The following OAS1 variants were observed in gnomAD, a reference collection of about 807,000 sequenced individuals.
OAS1 encodes the protein 2'-5'-oligoadenylate synthase 1.
A neutral mutation model predicts 38.5 loss-of-function variants in OAS1; 24 were observed. The observed-to-expected ratio is 0.62, with a 90% confidence interval of 0.45 to 0.88. The LOEUF (loss-of-function observed/expected upper bound fraction) is 0.88, where lower values mean the gene tolerates loss of function less well. OAS1 is among the 40% of genes least tolerant of loss of function. The pLI is 0.00. For missense variants in OAS1, 482 were observed against 493.9 expected, an observed-to-expected ratio of 0.98 and a Z score of 0.23; for synonymous variants, 169 against 193.9, an observed-to-expected ratio of 0.87 and a Z score of 1.07.
Position 112,918,080 on chromosome 12 carries a change from G to A in OAS1, c.1038+380G>A, listed in dbSNP as rs368792072. ...ATTATTTTAGATTCAGAGGGCACAT[G>A]TGCCATTTGTTACACAGCTATATTG... On this transcript the variant is annotated intron_variant, in intron 5 of 5. Coordinates refer to ENST00000202917, the MANE Select transcript of OAS1 (RefSeq NM_016816.4). 50 of 402,686 alleles carry A rather than the reference G, an allele frequency of 1.2e-4. 1 individual carries two copies. The South Asian group carries it at 1.4e-3, about 12-fold the overall frequency. 24.9% of individuals were successfully genotyped at this position (402,686 alleles called of 1,614,324 possible).
Position 112,917,886 on chromosome 12 carries a change from T to C in OAS1, c.1038+186T>C, listed in dbSNP as rs1593162509. On this transcript the variant is annotated intron_variant, in intron 5 of 5. Coordinates refer to ENST00000202917, the MANE Select transcript of OAS1 (RefSeq NM_016816.4). Reference sequence around the variant, plus strand: ...GGTCACAATCGAGGGTTTCTGGAATTTTCACATCCCTTGTCCAGAATTCAT... The same window carrying C: ...GGTCACAATCGAGGGTTTCTGGAATCTTCACATCCCTTGTCCAGAATTCAT... 3 of 1,474,210 alleles carry C rather than the reference T, an allele frequency of 2.0e-6. No homozygotes were observed. The East Asian group carries it at 7.4e-5, about 36-fold the overall frequency. The allele number at this position is 1,474,210 out of a possible 1,614,324, so 91.3% of individuals were successfully genotyped here.
chr12:112,910,105 C>A (rs1046708114), intron 2 of OAS1, among the ~76,000 whole-genome samples: 1 of 152,130 alleles, frequency 6.6e-6, no homozygotes, highest in Non-Finnish European at 1.5e-5. Flanking sequence ...CAGTGGCTCA[C>A]GCCTGTAATC....
chr12:112,920,039 G>A, downstream of OAS1: 1 of 220,888 alleles, frequency 4.5e-6, no homozygotes, highest in South Asian at 8.5e-5. Flanking sequence ...GCATAGCTCT[G>A]GGCACTGGGA....
chr12:112,918,696 C>T (rs764248255), intron 5 of OAS1: 82 of 454,856 alleles, frequency 1.8e-4, no homozygotes, highest in Non-Finnish European at 3.0e-4. Context: ...AAAGCCAGTG[C>T]TCATGTCACT....
At chr12:112,930,506 C>T (rs1593168336) in intron 6 of OAS1, among the ~76,000 whole-genome samples, 2 of 152,178 alleles carry the variant, frequency 1.3e-5, no homozygotes, top group Non-Finnish European at 2.9e-5. Context: ...TTGGGACACA[C>T]CCTAGGGAGC....
chr12:112,917,491 C>A (rs1422918604), intron 4 of OAS1, 56 bp from the exon 5 acceptor site: 6 of 1,604,398 alleles, frequency 3.7e-6, no homozygotes, highest in Non-Finnish European at 5.1e-6. Context: ...AGCATCTGGA[C>A]TCCCTAGACA....
chr12:112,920,241 A>G (rs1398365891), downstream of OAS1, among the ~76,000 whole-genome samples: 1 of 152,206 alleles, frequency 6.6e-6, no homozygotes, highest in African/African-American at 2.4e-5. Flanking sequence ...TCCTTTCTCC[A>G]TATCTCTGAG....
At chr12:112,917,169 G>A (rs1366895170) in intron 4 of OAS1, among the ~76,000 whole-genome samples, 12 of 152,172 alleles carry the variant, frequency 7.9e-5, no homozygotes, top group Admixed American at 7.9e-4. Flanking sequence ...TAGTCGCTGT[G>A]CTGAGCATTT....
chr12:112,920,852 C>T (rs1196520154), downstream of OAS1, among the ~76,000 whole-genome samples: 2 of 152,140 alleles, frequency 1.3e-5, no homozygotes, highest in East Asian at 1.9e-4. Flanking sequence ...TTGTTATTCT[C>T]ATAATATTAA....
chr12:112,921,327 A>G (rs4767026), downstream of OAS1, among the ~76,000 whole-genome samples: 113,969 of 152,172 alleles, frequency 0.75, 43,784 homozygotes, highest in African/African-American at 0.92. Flanking sequence ...GGACATCCCA[A>G]TGTAATGGCT....
At chr12:112,931,390 G>A (rs773332123) in intron 6 of OAS1, among the ~76,000 whole-genome samples, 4 of 152,112 alleles carry the variant, frequency 2.6e-5, no homozygotes, top group African/African-American at 7.2e-5. Flanking sequence ...CTGTAACATC[G>A]AGCTAATTTC....
chr12:112,908,123 C>A (rs984958918), intron 1 of OAS1, among the ~76,000 whole-genome samples: 5 of 152,190 alleles, frequency 3.3e-5, no homozygotes, highest in Non-Finnish European at 5.9e-5. Flanking sequence ...ATTTACCTAA[C>A]TGATTTTTCC....
chr12:112,922,048 C>G (rs1176888467), downstream of OAS1, among the ~76,000 whole-genome samples: 1 of 152,184 alleles, frequency 6.6e-6, no homozygotes, highest in Non-Finnish European at 1.5e-5. Flanking sequence ...CTATATGCCC[C>G]TACTCTGATG....
In OAS1 at chr12:112,907,149, T is replaced by A; in HGVS notation, c.110T>A (p.Ile37Asn). Residue 37 changes from isoleucine (I) to asparagine (N), a missense_variant, in exon 1 of 6, where the codon ATC (isoleucine) becomes AAC (asparagine). By Grantham distance (149) the Ile-to-Asn change is moderately radical. Coordinates refer to ENST00000202917, the MANE Select transcript of OAS1 (RefSeq NM_016816.4). The stretch of plus-strand genomic sequence containing the variant: ...CAAATCAACCATGCCATTGACATCA[T>A]CTGTGGGTTCCTGAAGGAAAGGTGC... ...RMQINHAIDI[I>N]CGFLKERCFR... The A allele has an allele frequency of 6.2e-7, 1 of 1,614,186 alleles. No homozygotes were observed. The highest frequency in any genetic ancestry group is 8.5e-7 in the Non-Finnish European group (1 of 1,180,032).
At chr12:112,925,191 C>T (rs1400583843) in intron 6 of OAS1, among the ~76,000 whole-genome samples, 5 of 152,264 alleles carry the variant, frequency 3.3e-5, no homozygotes, top group East Asian at 1.9e-4. Context: ...TGGGTGAACT[C>T]TGCACGCTCA....
downstream of OAS1, chr12:112,932,417 C>T (rs1437599812): frequency 1.3e-5 from 2 of 153,072 alleles, no homozygotes; most frequent in East Asian, 3.8e-4. Context: ...CATGGTGAAA[C>T]TGCATCTCTA....
chr12:112,921,043 C>T (rs951896341), downstream of OAS1, among the ~76,000 whole-genome samples: 1 of 152,136 alleles, frequency 6.6e-6, no homozygotes, highest in South Asian at 2.1e-4. Flanking sequence ...TACTCTGGCG[C>T]CATGAGAACC....
intron 6 of OAS1, among the ~76,000 whole-genome samples, chr12:112,930,642 G>C (rs1179153330): frequency 2.0e-5 from 3 of 152,226 alleles, no homozygotes; most frequent in Non-Finnish European, 4.4e-5. Context: ...GAAGGACTAA[G>C]GTCCCCTTTG....
chr12:112,916,949 G>A, intron 4 of OAS1: 1 of 547,248 alleles, frequency 1.8e-6, no homozygotes, highest in Non-Finnish European at 3.3e-6. Flanking sequence ...TATTTTACAG[G>A]TGAGTAAACT....
Sources: allele counts gnomAD v4.1 joint callset (sites outside exome capture counted in the v4.1 genomes callset), GRCh38; gene constraint gnomAD v4.1.1; transcripts MANE v1.5; gene names NCBI Gene and HGNC (gene_info 2026-07-23, HGNC 2026-07-21).